Variants in ASTN2 observed in about 807,000 individuals in gnomAD.
The protein encoded by ASTN2 is astrotactin-2.
A neutral mutation model predicts 139.8 loss-of-function variants in ASTN2; 54 were observed. The observed-to-expected ratio is 0.39, with a 90% CI of 0.31 to 0.48. The LOEUF is 0.48. Among genes scored for constraint, ASTN2 ranks in the 20% least tolerant of loss-of-function variants. The pLI is 0.95. For missense variants in ASTN2, 1,565 were observed against 1,725.1 expected, an observed-to-expected ratio of 0.91 and a Z score of 1.64; for synonymous variants, 756 against 719.5, an observed-to-expected ratio of 1.05 and a Z score of -0.81.
At chr9:117,191,305 C>A (rs1201721724) in intron 3 of ASTN2, among the ~76,000 whole-genome samples, 1 of 149,104 alleles carries the variant, frequency 6.7e-6, no homozygotes, top group Non-Finnish European at 1.5e-5. Context: ...GAATTACATG[C>A]ATGTTGAAAT....
intron 5 of ASTN2, among the ~76,000 whole-genome samples, chr9:117,048,737 T>C (rs1323740426): frequency 2.0e-5 from 3 of 152,174 alleles, no homozygotes; most frequent in Non-Finnish European, 4.4e-5. Context: ...CAAAATCCTA[T>C]GTAGTTGGCA....
chr9:117,192,767 C>T (rs900386049), intron 3 of ASTN2, among the ~76,000 whole-genome samples: 1 of 152,136 alleles, frequency 6.6e-6, no homozygotes, highest in Non-Finnish European at 1.5e-5. Flanking sequence ...TGAACTTGAA[C>T]TTAAGGGATG....
At chr9:117,408,393 T>C (rs1831065947) in intron 1 of ASTN2, among the ~76,000 whole-genome samples, 1 of 152,088 alleles carries the variant, frequency 6.6e-6, no homozygotes, top group Non-Finnish European at 1.5e-5. Context: ...GCCTTGTGAG[T>C]CTGTGATGCT....
rs1349384807 is a variant in ASTN2, at chr9:116,423,471, T to G, written c.*2380A>C. ...ATTGAGTGCTGTAATTTTCTGCAACTGTTGAGCTAAATTGTTCCTCGGGTT... is the reference window on the plus strand; with the variant it reads ...ATTGAGTGCTGTAATTTTCTGCAACGGTTGAGCTAAATTGTTCCTCGGGTT... On this transcript the variant is annotated 3_prime_UTR_variant, in exon 23 of 23. Transcript: ENST00000313400. 6.6e-6 allele frequency among the ~76,000 whole-genome samples: 1 copy of G among 152,184 alleles called. No individual in the cohort carries two copies. The highest frequency in any genetic ancestry group is 6.5e-5 in the Admixed American group (1 of 15,278).
At chr9:117,388,486 T>A (rs907284930) in intron 1 of ASTN2, among the ~76,000 whole-genome samples, 8 of 152,204 alleles carry the variant, frequency 5.3e-5, no homozygotes, top group Non-Finnish European at 8.8e-5. Flanking sequence ...GTGTGCTGGT[T>A]ATTGCTCCCA....
chr9:117,357,663 A>C (rs1050013219), intron 1 of ASTN2, among the ~76,000 whole-genome samples: 1 of 152,110 alleles, frequency 6.6e-6, no homozygotes, highest in Non-Finnish European at 1.5e-5. Flanking sequence ...GATCCTTGGA[A>C]CCACAGGAGA....
chr9:116,499,619 G>C (rs192830848), intron 19 of ASTN2, among the ~76,000 whole-genome samples: 1 of 152,238 alleles, frequency 6.6e-6, no homozygotes, highest in African/African-American at 2.4e-5. Flanking sequence ...GCCTGTCTTA[G>C]TCACCACCTG....
At chr9:117,026,385 C>T (rs968086480) in intron 6 of ASTN2, among the ~76,000 whole-genome samples, 1 of 152,130 alleles carries the variant, frequency 6.6e-6, no homozygotes, top group African/African-American at 2.4e-5. Flanking sequence ...CACCACACCT[C>T]ACAGCTTTAC....
chr9:117,167,827 A>T (rs1830703201), intron 3 of ASTN2, among the ~76,000 whole-genome samples: 1 of 152,138 alleles, frequency 6.6e-6, no homozygotes, highest in African/African-American at 2.4e-5. Flanking sequence ...ATCTGATGTT[A>T]TCTGGGATGT....
In ASTN2 at chr9:116,975,380, G is replaced by A. The variant is rs368577723; in HGVS notation, c.1752-35C>T. The A allele has an allele frequency of 2.0e-5, 31 of 1,550,436 alleles. No individual in the cohort carries two copies. In the African/African-American group the frequency reaches 3.9e-4, roughly 19 times the overall value. On this transcript the variant is annotated intron_variant, in intron 9 of 22. Transcript: ENST00000313400. ...AAGAGTTTCCATTGGGGAACTCCCT[G>A]GGAAGCAGAGAGCAAACAGAAAAAA...
intron 3 of ASTN2, among the ~76,000 whole-genome samples, chr9:117,181,575 A>G (rs80153953): frequency 1.6e-3 from 244 of 152,268 alleles, no homozygotes; most frequent in Non-Finnish European, 2.6e-3. Context: ...AGACAACAGG[A>G]TAGCACAGTG....
chr9:117,027,511 T>C (rs1428350566), intron 6 of ASTN2, among the ~76,000 whole-genome samples: 3 of 152,160 alleles, frequency 2.0e-5, no homozygotes, highest in Non-Finnish European at 4.4e-5. Flanking sequence ...TTGCTCATGC[T>C]GTTCTCTTTA....
intron 11 of ASTN2, among the ~76,000 whole-genome samples, chr9:116,848,238 C>T (rs1284973993): frequency 1.3e-5 from 2 of 152,176 alleles, no homozygotes; most frequent in African/African-American, 2.4e-5. Context: ...CAGGTCCTCA[C>T]CATAGATGCT....
At chr9:116,931,394 T>C (rs145244317) in intron 10 of ASTN2, among the ~76,000 whole-genome samples, 255 of 152,244 alleles carry the variant, frequency 1.7e-3, no homozygotes, top group African/African-American at 5.9e-3. Context: ...GACTTCCCTC[T>C]CATGGGGGAA....
chr9:116,731,399 T>C (rs1335471318), intron 14 of ASTN2, among the ~76,000 whole-genome samples: 1 of 151,948 alleles, frequency 6.6e-6, no homozygotes, highest in Non-Finnish European at 1.5e-5. Flanking sequence ...TCATACCCTA[T>C]TTTTTTGTTA....
At chr9:116,440,826 G>C in intron 21 of ASTN2, 34 bp from the exon 22 acceptor site, 1 of 1,587,748 alleles carries the variant, frequency 6.3e-7, no homozygotes, top group Non-Finnish European at 8.6e-7. Flanking sequence ...CAGATCACTG[G>C]GTGGTGAAAA....
chr9:116,530,692 T>C (rs1358170502), intron 19 of ASTN2, among the ~76,000 whole-genome samples: 1 of 150,824 alleles, frequency 6.6e-6, no homozygotes, highest in East Asian at 1.9e-4. Context: ...CAAACAGGAG[T>C]CAAGAAATAG....
intron 19 of ASTN2, among the ~76,000 whole-genome samples, chr9:116,492,653 T>TC (rs1849551828): frequency 6.6e-6 from 1 of 152,100 alleles, no homozygotes; most frequent in South Asian, 2.1e-4. Context: ...CAGGAGCCCT[T>TC]CCTCCCCAAT....
In ASTN2 at chr9:116,820,637, G is replaced by A. The variant is rs1831459844; in HGVS notation, c.2187C>T (p.Ser729=). ...TLPLPYDATS[S]TIFMFCGCVE... ...CTCACCCGCAGAACATGAAGATGGT[G>A]CTCGAAGTGGCATCGTAGGGCAGGG... is the stretch of plus-strand genomic sequence containing the variant. The change falls in exon 12 of 23, where the codon AGC becomes AGT. Residue 729 remains serine, a synonymous_variant. Transcript: ENST00000313400. 5.6e-6 allele frequency: 9 copies of A among 1,613,962 alleles called. No homozygotes were observed. The highest frequency in any genetic ancestry group is 7.6e-6 in the Non-Finnish European group (9 of 1,179,986).
Sources: gnomAD v4.1 joint callset for allele counts (sites outside exome capture counted in the v4.1 genomes callset) on GRCh38, gnomAD v4.1.1 for gene constraint, MANE v1.5 for transcripts, NCBI Gene and HGNC (gene_info 2026-07-23, HGNC 2026-07-21) for gene names.